Variants in SVIL observed in about 807,000 individuals in gnomAD.
The protein encoded by SVIL is archvillin.
SVIL carries 101 observed loss-of-function variants against 240.4 expected under a neutral mutation model. That is an observed-to-expected ratio of 0.42 (90% CI 0.36 to 0.50). The LOEUF (loss-of-function observed/expected upper bound fraction) is 0.50. SVIL is among the 20% of genes least tolerant of loss of function. The pLI is 0.01. For missense variants in SVIL, 2,512 were observed against 2,818.7 expected (o/e 0.89, Z 2.46); for synonymous variants, 999 against 1,100.0 (o/e 0.91, Z 1.82).
intron 1 of SVIL, among the ~76,000 whole-genome samples, chr10:29,729,450 G>GA (rs1554773475): frequency 1.5e-5 from 2 of 136,684 alleles, no homozygotes; most frequent in South Asian, 4.9e-4. Context: ...TGTTTATGGA[G>GA]GTGTGTGTGT....
intron 1 of SVIL, chr10:29,576,113 T>C (rs1042834273): frequency 2.0e-6 from 2 of 985,264 alleles, no homozygotes; most frequent in African/African-American, 3.5e-5. Context: ...CTCTCCCGAA[T>C]ACGTTTGGCT....
Position 29,473,989 on chromosome 10 carries a change from A to T in SVIL, c.5378T>A (p.Val1793Glu). 1 of 1,612,538 alleles carries T rather than the reference A, an allele frequency of 6.2e-7. No homozygotes were observed. Among genetic ancestry groups the T allele is most frequent in the South Asian group, 1.1e-5 (1 of 90,996 alleles). Residue 1793 changes from valine to glutamate, a missense_variant and splice_region_variant, in exon 30 of 38, where the codon GTG (valine) becomes GAG (glutamate). By Grantham distance (121) the Val-to-Glu change is moderately radical. Coordinates refer to ENST00000355867, the MANE Select transcript of SVIL (RefSeq NM_021738.3). ...VKWKFMVSTA[V>E]GSRQKGEHSV... ...GTGCTCTCCCTTCTGGCGACTTCCCACTGCAAACACAGAATGGCAGAGGGA... is the reference window on the plus strand; with the variant it reads ...GTGCTCTCCCTTCTGGCGACTTCCCTCTGCAAACACAGAATGGCAGAGGGA...
Position 29,533,136 on chromosome 10 carries a change from C to T in SVIL, c.1231G>A (p.Glu411Lys). The change falls in exon 8 of 38, where the codon GAA becomes AAA. Residue 411 changes from glutamate (E) to lysine (K), a missense_variant. Transcript: ENST00000355867. ...ACTGGGCTATCCCTTCCGTCACCTT[C>T]TAGAACCGTCAAGCTGGGAGGTTTG... is the stretch of plus-strand genomic sequence containing the variant. ...VPKPPSLTVLEGDGRDSPVLH... is the reference protein window; with the variant it reads ...VPKPPSLTVLKGDGRDSPVLH... 6.2e-7 allele frequency: 1 copy of T among 1,614,138 alleles called. No homozygotes were observed. The highest frequency in any genetic ancestry group is 8.5e-7 in the Non-Finnish European group (1 of 1,180,010).
intron 2 of SVIL, among the ~76,000 whole-genome samples, chr10:29,567,327 C>T (rs1456059767): frequency 6.6e-6 from 1 of 152,200 alleles, no homozygotes; most frequent in African/African-American, 2.4e-5. Context: ...TGTCCAGCAC[C>T]CATGCGGTGT....
intron 1 of SVIL, among the ~76,000 whole-genome samples, chr10:29,613,166 C>T (rs1173568177): frequency 1.4e-5 from 2 of 144,252 alleles, no homozygotes; most frequent in Non-Finnish European, 3.0e-5. Context: ...CAGAGAGACT[C>T]CATCTCAAAA....
Position 29,457,409 on chromosome 10 carries a change from C to T in SVIL, c.*838G>A, listed in dbSNP as rs948179154. On this transcript the variant is annotated 3_prime_UTR_variant, in exon 38 of 38. Transcript: ENST00000355867. ...TTGGGAGTCCTATATCACAAAATGA[C>T]ATGTGTACTGTTTACAACCGGTATT... 7.2e-5 allele frequency: 10 copies of T among 139,688 alleles called. No individual in the cohort carries two copies. The highest frequency in any genetic ancestry group is 4.5e-4 in the Admixed American group (6 of 13,284). 8.7% of individuals were successfully genotyped at this position (139,688 alleles called of 1,614,324 possible). A position where few individuals can be genotyped will look rare whatever the true frequency, so the allele number is the denominator to read the frequency against.
At chr10:29,637,675 A>G (rs1345279604), upstream of SVIL, among the ~76,000 whole-genome samples, 3 of 152,230 alleles carry the variant, frequency 2.0e-5, no homozygotes, top group East Asian at 5.8e-4. Flanking sequence ...GTGCCATTCA[A>G]CAAACAGTGC....
At chr10:29,552,662 T>C (rs529207453) in intron 5 of SVIL, among the ~76,000 whole-genome samples, 42 of 152,156 alleles carry the variant, frequency 2.8e-4, no homozygotes, top group Non-Finnish European at 1.3e-4. Flanking sequence ...CATTATTACC[T>C]TAACCCTTCC....
chr10:29,478,489 C>T (rs12242051), intron 29 of SVIL, among the ~76,000 whole-genome samples: 1 of 152,086 alleles, frequency 6.6e-6, no homozygotes, highest in East Asian at 1.9e-4. Flanking sequence ...AAAACCAAGG[C>T]TCAGACAGAG....
At chr10:29,663,854 A>G (rs1465910628) in intron 2 of SVIL, among the ~76,000 whole-genome samples, 1 of 152,220 alleles carries the variant, frequency 6.6e-6, no homozygotes, top group East Asian at 1.9e-4. Flanking sequence ...GCTGCTGGCA[A>G]TCAGCACATC....
intron 11 of SVIL, among the ~76,000 whole-genome samples, 159 bp from the exon 12 acceptor site, chr10:29,530,003 A>G (rs1385256699): frequency 6.6e-6 from 1 of 152,044 alleles, no homozygotes; most frequent in Non-Finnish European, 1.5e-5. Context: ...AGACCCCCTC[A>G]TCTCTACAAA....
At chr10:29,614,647 A>G (rs556384793) in intron 1 of SVIL, among the ~76,000 whole-genome samples, 1 of 152,140 alleles carries the variant, frequency 6.6e-6, no homozygotes, top group East Asian at 1.9e-4. Flanking sequence ...AACATCATAC[A>G]CCGGGGCCTG....
chr10:29,722,537 G>T (rs1415173746), intron 1 of SVIL, among the ~76,000 whole-genome samples: 1 of 152,170 alleles, frequency 6.6e-6, no homozygotes, highest in African/African-American at 2.4e-5. Context: ...TCATTTTCCA[G>T]GTTTTGCGAA....
At chr10:29,723,121 A>C (rs952424900) in intron 1 of SVIL, among the ~76,000 whole-genome samples, 1 of 152,242 alleles carries the variant, frequency 6.6e-6, no homozygotes, top group African/African-American at 2.4e-5. Context: ...TATAATCTCA[A>C]CACTTTGAAA....
chr10:29,584,138 A>G (rs12416456), intron 1 of SVIL, among the ~76,000 whole-genome samples: 21,203 of 152,204 alleles, frequency 0.14, 1,561 homozygotes, highest in Admixed American at 0.22. Context: ...ATAGGTGAAC[A>G]GGGAGGCCAT....
chr10:29,527,014 T>C lies in SVIL; in HGVS notation c.2289A>G (p.Val763=), dbSNP rs1343102694. 6.2e-7 allele frequency: 1 copy of C among 1,613,412 alleles called. No individual in the cohort carries two copies. Among genetic ancestry groups the C allele is most frequent in the African/African-American group, 1.3e-5 (1 of 74,880 alleles). ...CAGTGGGGCTAGGAAGTCTCGCCATTACAGGGTGGGTGCCCCCAGAACACG... is the reference window on the plus strand; with the variant it reads ...CAGTGGGGCTAGGAAGTCTCGCCATCACAGGGTGGGTGCCCCCAGAACACG... ...PASCSGGTHP[V]MARLPSPTVA... is the part of the protein sequence containing the mutation. Residue 763 remains valine (V), a synonymous_variant, in exon 13 of 38, where the codon GTA becomes GTG. Transcript: ENST00000355867.
intron 1 of SVIL, among the ~76,000 whole-genome samples, chr10:29,604,989 C>A (rs181733112): frequency 1.3e-5 from 2 of 152,200 alleles, no homozygotes; most frequent in African/African-American, 4.8e-5. Context: ...TCAAATGCAT[C>A]CCCCAGGATA....
intron 32 of SVIL, among the ~76,000 whole-genome samples, chr10:29,469,757 G>A (rs1035300824): frequency 3.9e-5 from 6 of 152,162 alleles, no homozygotes; most frequent in Non-Finnish European, 8.8e-5. Flanking sequence ...AACCCAACCC[G>A]GAAGTGCTGT....
chr10:29,636,851 T>C (rs548919027), upstream of SVIL, among the ~76,000 whole-genome samples: 2 of 152,306 alleles, frequency 1.3e-5, no homozygotes, highest in Admixed American at 1.3e-4. Flanking sequence ...TTGTCCAGGC[T>C]GGAGTAGAGG....
Sources: gnomAD v4.1 joint callset for allele counts (sites outside exome capture counted in the v4.1 genomes callset) on GRCh38, gnomAD v4.1.1 for gene constraint, MANE v1.5 for transcripts, NCBI Gene and HGNC (gene_info 2026-07-23, HGNC 2026-07-21) for gene names.